The following CNTNAP2 variants were observed in gnomAD, a reference collection of about 807,000 sequenced individuals.
The protein encoded by CNTNAP2 is contactin-associated protein-like 2.
CNTNAP2 carries 98 observed loss-of-function variants against 155.2 expected under a neutral mutation model. The observed-to-expected ratio is 0.63, with a 90% CI of 0.54 to 0.75. CNTNAP2 has a LOEUF of 0.75. Among genes scored for constraint, CNTNAP2 ranks in the 30% least tolerant of loss-of-function variants. The pLI is 0.00. For synonymous variants in CNTNAP2, 651 were observed against 631.2 expected (o/e 1.03, Z -0.47); for missense variants, 1,727 against 1,688.1 (o/e 1.02, Z -0.40).
At chr7:146,947,553 GTGTGTATATATATATATATATACA>G (rs1428706018) in intron 3 of CNTNAP2, among the ~76,000 whole-genome samples, 14 of 104,806 alleles carry the variant, frequency 1.3e-4, no homozygotes, top group East Asian at 6.6e-4. Flanking sequence ...ATGTGTGTGT[GTGTGTATATATATATATATATACA>G]TATATATATA....
chr7:146,584,137 T>A (rs1246654260), intron 1 of CNTNAP2, among the ~76,000 whole-genome samples: 1 of 152,226 alleles, frequency 6.6e-6, no homozygotes, highest in East Asian at 1.9e-4. Flanking sequence ...TGAAATAATT[T>A]GTTAAATGTT....
At chr7:146,318,309 TA>T (rs1169745858) in intron 1 of CNTNAP2, among the ~76,000 whole-genome samples, 1 of 152,300 alleles carries the variant, frequency 6.6e-6, no homozygotes, top group African/African-American at 2.4e-5. Flanking sequence ...AGAATTCTAC[TA>T]AAGCTATAAA....
chr7:147,483,629 G>A (rs1798463611), intron 10 of CNTNAP2, among the ~76,000 whole-genome samples: 1 of 152,016 alleles, frequency 6.6e-6, no homozygotes, highest in Non-Finnish European at 1.5e-5. Context: ...TCAATATTAG[G>A]CTGAGCTAAT....
At chr7:146,469,518 CT>C (rs544057518) in intron 1 of CNTNAP2, among the ~76,000 whole-genome samples, 3,441 of 128,988 alleles carry the variant, frequency 0.027, 67 homozygotes, top group African/African-American at 0.063. Flanking sequence ...TAATAATTGA[CT>C]TTTTTTTTTT....
intron 18 of CNTNAP2, among the ~76,000 whole-genome samples, chr7:148,198,115 T>G (rs1442409939): frequency 6.6e-6 from 1 of 152,200 alleles, no homozygotes; most frequent in African/African-American, 2.4e-5. Flanking sequence ...CTGAGAAGCC[T>G]GAGGGTGGCT....
chr7:146,640,124 C>A (rs1230570546), intron 1 of CNTNAP2, among the ~76,000 whole-genome samples: 1 of 152,158 alleles, frequency 6.6e-6, no homozygotes, highest in Non-Finnish European at 1.5e-5. Context: ...GCTATAAAAG[C>A]CTTAGCTTCT....
intron 13 of CNTNAP2, among the ~76,000 whole-genome samples, chr7:147,675,027 C>T (rs851737): frequency 6.6e-6 from 1 of 151,762 alleles, no homozygotes; most frequent in East Asian, 1.9e-4. Flanking sequence ...AAACAACAGA[C>T]ATTTATTCTC....
At chr7:147,358,773 C>G (rs1796102082) in intron 9 of CNTNAP2, among the ~76,000 whole-genome samples, 1 of 152,080 alleles carries the variant, frequency 6.6e-6, no homozygotes, top group Non-Finnish European at 1.5e-5. Flanking sequence ...TGCCATTCCT[C>G]AAAAACATTC....
chr7:147,624,832 A>G (rs1488821284), intron 12 of CNTNAP2, among the ~76,000 whole-genome samples: 3 of 152,186 alleles, frequency 2.0e-5, no homozygotes, highest in Admixed American at 6.5e-5. Flanking sequence ...ACTGTTCACA[A>G]TAGCCAAGAT....
At chr7:147,948,044 G>A (rs889336856) in intron 14 of CNTNAP2, among the ~76,000 whole-genome samples, 5 of 151,814 alleles carry the variant, frequency 3.3e-5, no homozygotes, top group Admixed American at 3.3e-4. Context: ...TCTAGAAAGA[G>A]GAGAAAAAAA....
intron 10 of CNTNAP2, among the ~76,000 whole-genome samples, chr7:147,421,601 G>GTGTGTA (rs907453733): frequency 7.9e-5 from 12 of 151,472 alleles, no homozygotes; most frequent in African/African-American, 2.7e-4. Flanking sequence ...GTGTGTGTGT[G>GTGTGTA]TGTGTGTGTG....
At chr7:146,722,100 GGCTGGTT>G (rs1801347361) in intron 1 of CNTNAP2, among the ~76,000 whole-genome samples, 2 of 151,198 alleles carry the variant, frequency 1.3e-5, no homozygotes, top group African/African-American at 2.5e-5. Context: ...ATGTTGGCCA[GGCTGGTT>G]TTGAACTCCT....
chr7:147,145,769 C>T (rs1468095730), intron 8 of CNTNAP2, among the ~76,000 whole-genome samples: 1 of 152,126 alleles, frequency 6.6e-6, no homozygotes, highest in East Asian at 1.9e-4. Context: ...TCTTTGATTT[C>T]ACTTTTGCTT....
chr7:146,197,978 A>G (rs1410335695), intron 1 of CNTNAP2, among the ~76,000 whole-genome samples: 2 of 152,132 alleles, frequency 1.3e-5, no homozygotes, highest in Non-Finnish European at 2.9e-5. Context: ...CTTACATGGC[A>G]GCAGGAGGGA....
chr7:148,220,993 C>G (rs2116763315), intron 19 of CNTNAP2, among the ~76,000 whole-genome samples: 1 of 152,216 alleles, frequency 6.6e-6, no homozygotes, highest in Middle Eastern at 3.4e-3. Context: ...TGAACACATT[C>G]CCACACATAC....
chr7:146,308,170 T>C (rs568391038), intron 1 of CNTNAP2, among the ~76,000 whole-genome samples: 22 of 152,194 alleles, frequency 1.4e-4, no homozygotes, highest in African/African-American at 5.1e-4. Context: ...GGGCAAAGGA[T>C]ATGAACAGAC....
chr7:146,175,441 T>G (rs1276420940), intron 1 of CNTNAP2, among the ~76,000 whole-genome samples: 1 of 152,114 alleles, frequency 6.6e-6, no homozygotes, highest in Non-Finnish European at 1.5e-5. Flanking sequence ...AGAGAATGGT[T>G]AAGGTGGGGC....
intron 1 of CNTNAP2, among the ~76,000 whole-genome samples, chr7:146,120,469 C>CA (rs1232568282): frequency 2.0e-5 from 3 of 151,940 alleles, no homozygotes; most frequent in Non-Finnish European, 2.9e-5. Flanking sequence ...CAAAATTGGG[C>CA]AAAAAAATTA....
At chr7:146,610,943 A>G (rs1484375484) in intron 1 of CNTNAP2, among the ~76,000 whole-genome samples, 2 of 152,222 alleles carry the variant, frequency 1.3e-5, no homozygotes, top group Non-Finnish European at 2.9e-5. Flanking sequence ...AATGCAAATG[A>G]GAAAGTCCCA....
Sources: allele counts gnomAD v4.1 joint callset (sites outside exome capture counted in the v4.1 genomes callset), GRCh38; gene constraint gnomAD v4.1.1; transcripts MANE v1.5; gene names NCBI Gene and HGNC (gene_info 2026-07-23, HGNC 2026-07-21).